The following PCDHGA4 variants were observed in gnomAD, a reference collection of about 807,000 sequenced individuals.
The protein encoded by PCDHGA4 is protocadherin gamma-A4.
PCDHGA4 carries 38 observed loss-of-function variants against 54.6 expected under a neutral mutation model. The observed-to-expected ratio is 0.70, with a 90% CI of 0.54 to 0.91. The LOEUF is 0.91. Among genes scored for constraint, PCDHGA4 ranks in the 40% least tolerant of loss-of-function variants. The pLI, the probability that PCDHGA4 is intolerant of heterozygous loss-of-function variation, is 0.00. For synonymous variants in PCDHGA4, 511 were observed against 512.9 expected, an observed-to-expected ratio of 1.00 and a Z score of 0.05; for missense variants, 1,298 against 1,220.9, an observed-to-expected ratio of 1.06 and a Z score of -0.94.
chr5:141,459,699 A>G (rs2098973201), intron 1 of PCDHGA4, among the ~76,000 whole-genome samples: 1 of 152,218 alleles, frequency 6.6e-6, no homozygotes, highest in Non-Finnish European at 1.5e-5. Flanking sequence ...TCCGCTTGCT[A>G]CATTTTCTCA....
At chr5:141,378,957 A>T (rs1303880032) in intron 1 of PCDHGA4, 2 of 152,224 alleles carry the variant, frequency 1.3e-5, no homozygotes, top group Non-Finnish European at 2.9e-5. Context: ...AGTACAGGGG[A>T]TTCTCTAATT....
At chr5:141,370,791 T>C (rs1354354873) in intron 1 of PCDHGA4, 2 of 1,614,022 alleles carry the variant, frequency 1.2e-6, no homozygotes, top group Non-Finnish European at 1.7e-6. Flanking sequence ...CCCACCGACC[T>C]TTAGCCAAAA....
Position 141,511,072 on chromosome 5 carries a change from A to C in PCDHGA4, c.2788A>C (p.Ser930Arg). The C allele has an allele frequency of 6.2e-7, 1 of 1,614,252 alleles. No individual in the cohort carries two copies. Among genetic ancestry groups the C allele is most frequent in the Non-Finnish European group, 8.5e-7 (1 of 1,180,034 alleles). Residue 930 changes from serine to arginine, a missense_variant, in exon 4 of 4, where the codon AGC (serine) becomes CGC (arginine). Ser to Arg is a moderately radical substitution (Grantham distance 110). Coordinates refer to ENST00000571252, the MANE Select transcript of PCDHGA4 (RefSeq NM_018917.4). ...CCGCCAGAATGTCTACATCCCAGGC[A>C]GCAATGCCACACTGACCAACGCAGC... ...DYRQNVYIPG[S>R]NATLTNAAGK...
intron 1 of PCDHGA4, chr5:141,415,060 G>C (rs1428839232): frequency 1.2e-6 from 2 of 1,613,426 alleles, no homozygotes; most frequent in Admixed American, 1.7e-5. Flanking sequence ...GCACACGGGC[G>C]AGGTGCGCAC....
At chr5:141,382,104 A>G (rs1777948509) in intron 1 of PCDHGA4, among the ~76,000 whole-genome samples, 1 of 152,108 alleles carries the variant, frequency 6.6e-6, no homozygotes, top group Non-Finnish European at 1.5e-5. Context: ...GTGGGATTAC[A>G]GGCGTGAGCA....
chr5:141,476,979 G>C lies in PCDHGA4; in HGVS notation c.2515-17828G>C. On this transcript the variant is annotated intron_variant, in intron 1 of 3. Coordinates refer to ENST00000571252, the MANE Select transcript of PCDHGA4 (RefSeq NM_018917.4). The surrounding 1 kb of genome is among the most constrained non-coding windows in gnomAD (Gnocchi z 7.6). Reference sequence around the variant, plus strand: ...ATTTACTCCTTCGGCAGCCACAACCGCGCCGGCGTGCGGCAACTATTCGCC... The same window carrying C: ...ATTTACTCCTTCGGCAGCCACAACCCCGCCGGCGTGCGGCAACTATTCGCC... 1 of 1,614,238 alleles carries C rather than the reference G, an allele frequency of 6.2e-7. No homozygotes were observed. The highest frequency in any genetic ancestry group is 1.3e-5 in the African/African-American group (1 of 75,074).
intron 1 of PCDHGA4, among the ~76,000 whole-genome samples, chr5:141,434,819 A>G (rs2097719619): frequency 6.6e-6 from 1 of 151,946 alleles, no homozygotes; most frequent in Admixed American, 6.6e-5. Flanking sequence ...TATATCCCTT[A>G]GTACACTTGG....
chr5:141,382,720 T>C (rs894143659), intron 1 of PCDHGA4: 7 of 480,002 alleles, frequency 1.5e-5, no homozygotes, highest in African/African-American at 1.4e-4. Flanking sequence ...AACCACCGAG[T>C]TTTACAGCAC....
At chr5:141,393,842 T>C (rs1010461527) in intron 1 of PCDHGA4, 5 of 1,613,948 alleles carry the variant, frequency 3.1e-6, no homozygotes, top group Non-Finnish European at 4.2e-6. Context: ...TAAATGACAA[T>C]AGACCAGAAG....
At chr5:141,371,536 A>G (rs1767830265) in intron 1 of PCDHGA4, 4 of 1,613,810 alleles carry the variant, frequency 2.5e-6, no homozygotes, top group Non-Finnish European at 3.4e-6. Flanking sequence ...TTTAATGGAG[A>G]AATCCTATGC....
At chr5:141,494,972 C>G in intron 2 of PCDHGA4, 107 bp downstream of exon 2, 1 of 1,581,852 alleles carries the variant, frequency 6.3e-7, no homozygotes, top group Non-Finnish European at 8.6e-7. Context: ...TGGCTTCTCC[C>G]TCAGTTTGAG....
intron 3 of PCDHGA4, among the ~76,000 whole-genome samples, chr5:141,505,995 C>T (rs1041284805): frequency 5.3e-5 from 8 of 152,142 alleles, no homozygotes; most frequent in African/African-American, 1.4e-4. Flanking sequence ...CCTCTTTATG[C>T]GAGGCTCCTC....
At chr5:141,403,585 C>A in intron 1 of PCDHGA4, 1 of 1,613,894 alleles carries the variant, frequency 6.2e-7, no homozygotes, top group South Asian at 1.1e-5. Context: ...ACCACCTGGT[C>A]CTCACGGCCT....
At position 141,477,146 on chromosome 5, in the gene PCDHGA4, G is replaced by A. The variant is rs1447966302; in HGVS notation, c.2515-17661G>A. The stretch of plus-strand genomic sequence containing the variant: ...TTGCAAAGTGTTGGTGGAGGTTGTG[G>A]ATGTGAATGACAACGCCCCGGAGAT... On this transcript the variant is annotated intron_variant, in intron 1 of 3. Coordinates refer to ENST00000571252, the MANE Select transcript of PCDHGA4 (RefSeq NM_018917.4). This position sits in a 1 kb window ranked among gnomAD's most constrained non-coding sequence, Gnocchi z 4.9. 1 of 1,614,182 alleles carries A rather than the reference G, an allele frequency of 6.2e-7. No homozygotes were observed. The highest frequency in any genetic ancestry group is 8.5e-7 in the Non-Finnish European group (1 of 1,180,044).
chr5:141,466,375 C>A (rs2099121518), intron 1 of PCDHGA4, among the ~76,000 whole-genome samples: 1 of 152,042 alleles, frequency 6.6e-6, no homozygotes, highest in Non-Finnish European at 1.5e-5. Context: ...GGTTTTGGCA[C>A]CCATCTAATG....
In PCDHGA4 at chr5:141,356,349, A is replaced by G; in HGVS notation, c.1242A>G (p.Thr414=). Residue 414 remains threonine, a synonymous_variant, in exon 1 of 4, where the codon ACA becomes ACG. Transcript: ENST00000571252. ...DSDSGGNGLV[T]CSIPDNLPFT... ...ACTCAGGAGGAAATGGCCTAGTCAC[A>G]TGTTCTATTCCAGATAATCTGCCAT... 1.3e-6 allele frequency: 2 copies of G among 1,555,872 alleles called. No homozygotes were observed. The highest frequency in any genetic ancestry group is 1.7e-6 in the Non-Finnish European group (2 of 1,149,158).
At position 141,361,169 on chromosome 5, in the gene PCDHGA4, C is replaced by T. The variant is rs1761915168; in HGVS notation, c.2514+3548C>T. 1.9e-6 allele frequency: 3 copies of T among 1,613,908 alleles called. No homozygotes were observed. The East Asian group carries it at 6.7e-5, about 36-fold the overall frequency. On this transcript the variant is annotated intron_variant, in intron 1 of 3. Coordinates refer to ENST00000571252, the MANE Select transcript of PCDHGA4 (RefSeq NM_018917.4). ...ATTCTTGATGACAACGATTGTGCAC[C>T]TGAAGTTATTGTGACTTCAGTATCT...
intron 1 of PCDHGA4, among the ~76,000 whole-genome samples, chr5:141,359,855 T>TA (rs1343900120): frequency 6.6e-6 from 1 of 151,960 alleles, no homozygotes; most frequent in African/African-American, 2.4e-5. Flanking sequence ...CTTTATAAAT[T>TA]AAAAAAGAAA....
chr5:141,462,959 G>A lies in PCDHGA4; in HGVS notation c.2515-31848G>A, dbSNP rs188938907. 5.1e-3 allele frequency among the ~76,000 whole-genome samples: 776 copies of A among 152,188 alleles called. 5 individuals are homozygous for A. Among genetic ancestry groups the A allele is most frequent in the Non-Finnish European group, 8.2e-3 (557 of 67,994 alleles). On this transcript the variant is annotated intron_variant, in intron 1 of 3. Transcript: ENST00000571252. ...AAGGCTTGTTTTTAAGCTTTGTTAGGACAGGTCTGTAGTAACTTTTGCCTT... is the reference window on the plus strand; with the variant it reads ...AAGGCTTGTTTTTAAGCTTTGTTAGAACAGGTCTGTAGTAACTTTTGCCTT...
Sources: gnomAD v4.1 joint callset for allele counts (sites outside exome capture counted in the v4.1 genomes callset) on GRCh38, gnomAD v4.1.1 for gene constraint, Gnocchi (gnomAD v3.1) non-coding constraint, MANE v1.5 for transcripts, NCBI Gene and HGNC (gene_info 2026-07-23, HGNC 2026-07-21) for gene names.